The following MCTP1 variants were observed in gnomAD, a reference collection of about 807,000 sequenced individuals.
The protein encoded by MCTP1 is multiple C2 and transmembrane domain containing 1.
MCTP1 carries 69 observed loss-of-function variants against 120.6 expected under a neutral mutation model. The observed-to-expected ratio is 0.57, with a 90% CI of 0.47 to 0.70. The LOEUF is 0.70. Ranked by LOEUF, MCTP1 falls within the 30% of genes least tolerant of loss-of-function variation. MCTP1 has a pLI of 0.00. For synonymous variants in MCTP1, 529 were observed against 493.1 expected, an observed-to-expected ratio of 1.07 and a Z score of -0.96; for missense variants, 1,203 against 1,248.8, an observed-to-expected ratio of 0.96 and a Z score of 0.55.
At chr5:94,759,442 C>T (rs371119462) in intron 19 of MCTP1, among the ~76,000 whole-genome samples, 3 of 152,136 alleles carry the variant, frequency 2.0e-5, no homozygotes, top group African/African-American at 4.8e-5. Flanking sequence ...AAAAAGAACA[C>T]GTCTGCACTT....
At chr5:94,857,667 A>G (rs1049987080) in intron 17 of MCTP1, among the ~76,000 whole-genome samples, 1 of 151,716 alleles carries the variant, frequency 6.6e-6, no homozygotes, top group African/African-American at 2.4e-5. Flanking sequence ...ATTCAAGTCT[A>G]AATTATCCAC....
chr5:95,001,974 T>G (rs948240598), intron 2 of MCTP1, among the ~76,000 whole-genome samples: 5 of 152,200 alleles, frequency 3.3e-5, no homozygotes, highest in Non-Finnish European at 7.4e-5. Context: ...AGGGCTCCCC[T>G]GCTCTATGCA....
At chr5:95,048,509 C>T (rs1455798864) in intron 1 of MCTP1, among the ~76,000 whole-genome samples, 2 of 152,122 alleles carry the variant, frequency 1.3e-5, no homozygotes, top group Non-Finnish European at 1.5e-5. Context: ...TGAGAAGCTA[C>T]TAAAATGGAT....
At chr5:94,966,234 T>C (rs184300829) in intron 2 of MCTP1, among the ~76,000 whole-genome samples, 4 of 152,312 alleles carry the variant, frequency 2.6e-5, no homozygotes, top group Admixed American at 6.5e-5. Flanking sequence ...CCAAGCCCAA[T>C]GTTTCTTCTA....
At chr5:95,230,324 G>A (rs72779492) in intron 1 of MCTP1, among the ~76,000 whole-genome samples, 1 of 151,924 alleles carries the variant, frequency 6.6e-6, no homozygotes, top group Non-Finnish European at 1.5e-5. Context: ...TATTAACCCC[G>A]TTTTACAGAT....
At chr5:95,045,495 G>A (rs903134110) in intron 1 of MCTP1, among the ~76,000 whole-genome samples, 7 of 152,128 alleles carry the variant, frequency 4.6e-5, no homozygotes, top group Non-Finnish European at 8.8e-5. Flanking sequence ...ACAGTTCCTA[G>A]AGTCGATGAA....
intron 18 of MCTP1, among the ~76,000 whole-genome samples, chr5:94,783,157 G>C (rs1480817131): frequency 2.6e-5 from 4 of 151,912 alleles, no homozygotes; most frequent in African/African-American, 4.8e-5. Context: ...TACTAATAAA[G>C]ATGACATTTA....
chr5:94,803,319 G>C (rs921465696), intron 17 of MCTP1, among the ~76,000 whole-genome samples: 1 of 152,180 alleles, frequency 6.6e-6, no homozygotes, highest in Non-Finnish European at 1.5e-5. Context: ...TATCCTGCAT[G>C]TTAGAAGCTC....
chr5:94,861,142 C>G lies in MCTP1; in HGVS notation c.2436+7191G>C, dbSNP rs188860799. The stretch of plus-strand genomic sequence containing the variant: ...TGTTACCACTTGCTGAGTGTTGGAC[C>G]TCTGTCATCACGGCAAAGTACAAGA... On this transcript the variant is annotated intron_variant, in intron 17 of 22. Transcript: ENST00000515393. Among the ~76,000 whole-genome samples the G allele has an allele frequency of 1.3e-3, 200 of 151,872 alleles. 1 individual carries two copies. The highest frequency in any genetic ancestry group is 4.6e-3 in the African/African-American group (191 of 41,506).
chr5:94,968,403 C>A (rs1826072365), intron 2 of MCTP1, among the ~76,000 whole-genome samples: 1 of 152,040 alleles, frequency 6.6e-6, no homozygotes, highest in African/African-American at 2.4e-5. Context: ...TCTTTTAGGA[C>A]CAACAATCCT....
intron 1 of MCTP1, among the ~76,000 whole-genome samples, chr5:95,149,022 T>C (rs964932448): frequency 1.3e-5 from 2 of 152,240 alleles, no homozygotes; most frequent in African/African-American, 4.8e-5. Flanking sequence ...GGCCAGCAGA[T>C]AGGCTCTCAC....
intron 1 of MCTP1, among the ~76,000 whole-genome samples, chr5:95,185,615 T>C (rs2152522653): frequency 6.6e-6 from 1 of 152,248 alleles, no homozygotes; most frequent in South Asian, 2.1e-4. Flanking sequence ...AAACCCTGTC[T>C]CTACTAAAAA....
intron 1 of MCTP1, among the ~76,000 whole-genome samples, chr5:95,263,905 AG>A (rs1758677164): frequency 6.6e-6 from 1 of 152,126 alleles, no homozygotes; most frequent in Non-Finnish European, 1.5e-5. Context: ...GTCTCCACCC[AG>A]GGGCAGGCAA....
Position 94,706,218 on chromosome 5 carries a change from A to G in MCTP1, c.*1278T>C, listed in dbSNP as rs1187514212. On this transcript the variant is annotated 3_prime_UTR_variant, in exon 23 of 23. Coordinates refer to ENST00000515393, the MANE Select transcript of MCTP1 (RefSeq NM_024717.7). ...TTCAACTGAGTGTAGTCCCCTACCAAGTCAGGGAAGTAAGACATTCTCAAC... is the reference window on the plus strand; with the variant it reads ...TTCAACTGAGTGTAGTCCCCTACCAGGTCAGGGAAGTAAGACATTCTCAAC... 2 of 151,622 alleles carry G rather than the reference A, an allele frequency of 1.3e-5. No individual in the cohort carries two copies. The highest frequency in any genetic ancestry group is 3.9e-4 in the East Asian group (2 of 5,152). The allele number at this position is 151,622 out of a possible 1,614,324, so 9.4% of individuals were successfully genotyped here.
At chr5:95,041,182 A>G (rs1842289328) in intron 1 of MCTP1, among the ~76,000 whole-genome samples, 1 of 152,104 alleles carries the variant, frequency 6.6e-6, no homozygotes, top group African/African-American at 2.4e-5. Flanking sequence ...CTAAGAAATA[A>G]TTATGCTTAT....
chr5:94,878,814 TAGAG>T (rs1170178411), intron 12 of MCTP1, among the ~76,000 whole-genome samples: 3 of 151,718 alleles, frequency 2.0e-5, no homozygotes, highest in Admixed American at 2.0e-4. Context: ...TATTGTATGT[TAGAG>T]AGTGCTACGT....
At chr5:95,102,066 C>A (rs1050803060) in intron 1 of MCTP1, among the ~76,000 whole-genome samples, 8 of 152,128 alleles carry the variant, frequency 5.3e-5, no homozygotes, top group African/African-American at 1.9e-4. Flanking sequence ...GTCTTTGCAG[C>A]TCCTCATGTT....
At chr5:95,196,554 A>C (rs762922476) in intron 1 of MCTP1, among the ~76,000 whole-genome samples, 4 of 152,214 alleles carry the variant, frequency 2.6e-5, no homozygotes, top group African/African-American at 4.8e-5. Flanking sequence ...AGGAGTCCAC[A>C]TGGGAGTAAA....
intron 1 of MCTP1, among the ~76,000 whole-genome samples, chr5:95,107,708 C>G (rs1005522696): frequency 2.0e-5 from 3 of 152,300 alleles, no homozygotes; most frequent in Admixed American, 1.3e-4. Context: ...TAAAAGTATT[C>G]CTTTCTTTTT....
Sources: gnomAD v4.1 joint callset for allele counts (sites outside exome capture counted in the v4.1 genomes callset) on GRCh38, gnomAD v4.1.1 for gene constraint, MANE v1.5 for transcripts, NCBI Gene and HGNC (gene_info 2026-07-23, HGNC 2026-07-21) for gene names.